Variants in KANK1 observed in about 807,000 individuals in gnomAD.
KANK1 encodes KN motif and ankyrin repeat domain-containing protein 1.
A neutral mutation model predicts 106.2 loss-of-function variants in KANK1; 109 were observed. The observed-to-expected ratio is 1.03, with a 90% CI of 0.88 to 1.20. KANK1 has a LOEUF of 1.20. Ranked by LOEUF, KANK1 falls within the 50% of genes most tolerant of loss-of-function variation. The pLI, the probability that KANK1 is intolerant of heterozygous loss-of-function variation, is 0.00. For missense variants in KANK1, 2,399 were observed against 1,710.7 expected (o/e 1.40, Z -7.10); for synonymous variants, 873 against 652.2 (o/e 1.34, Z -5.16).
rs141977994 is a variant in KANK1 at position 589,427 on chromosome 9, G to T, written c.-84+84673G>T. 1.0e-3 allele frequency among the ~76,000 whole-genome samples: 158 copies of T among 152,276 alleles called. 1 individual carries two copies. Among genetic ancestry groups the T allele is most frequent in the African/African-American group, 3.6e-3 (149 of 41,562 alleles). Reference sequence around the variant, plus strand: ...GTCTGGAGATTTGCTGGAAAAGAAGGAGCAAAAGAGGATGCCACTGGGAGG... The same window carrying T: ...GTCTGGAGATTTGCTGGAAAAGAAGTAGCAAAAGAGGATGCCACTGGGAGG... On this transcript the variant is annotated intron_variant, in intron 1 of 11. Transcript: ENST00000382297.
intron 3 of KANK1, among the ~76,000 whole-genome samples, chr9:720,077 T>G (rs1828899276): frequency 6.6e-6 from 1 of 152,250 alleles, no homozygotes; most frequent in Admixed American, 6.5e-5. Context: ...GTGTTCCTCT[T>G]ATTTTCCAGG....
intron 2 of KANK1, among the ~76,000 whole-genome samples, chr9:697,823 A>G (rs1039415994): frequency 6.6e-6 from 1 of 152,170 alleles, no homozygotes; most frequent in Non-Finnish European, 1.5e-5. Flanking sequence ...TATACCCTTG[A>G]CACTGGCATT....
At position 617,264 on chromosome 9, in the gene KANK1, C is replaced by T. The variant is rs1222037647; in HGVS notation, c.-83-59626C>T. On this transcript the variant is annotated intron_variant, in intron 1 of 11. Transcript: ENST00000382297. Reference sequence around the variant, plus strand: ...TTTAACAATCTGTATTCTACAACTTCACTCGTTGCCTTCCTTGTTTAACAT... The same window carrying T: ...TTTAACAATCTGTATTCTACAACTTTACTCGTTGCCTTCCTTGTTTAACAT... Among the ~76,000 whole-genome samples, 3 of 152,128 alleles carry T rather than the reference C, an allele frequency of 2.0e-5. No individual in the cohort carries two copies. The South Asian group carries it at 6.2e-4, about 32-fold the overall frequency.
intron 1 of KANK1, among the ~76,000 whole-genome samples, chr9:508,580 G>A (rs1473196474): frequency 2.0e-5 from 3 of 151,796 alleles, no homozygotes; most frequent in Admixed American, 6.6e-5. Flanking sequence ...TGCCCCTCCC[G>A]AAGAGTAACC....
intron 1 of KANK1, among the ~76,000 whole-genome samples, chr9:603,436 T>G (rs1828279196): frequency 1.3e-5 from 2 of 151,848 alleles, no homozygotes. Flanking sequence ...GAGCAGTTTG[T>G]GTGTCTTCCA....
intron 1 of KANK1, among the ~76,000 whole-genome samples, chr9:617,905 G>C (rs1832224007): frequency 6.6e-6 from 1 of 152,182 alleles, no homozygotes; most frequent in African/African-American, 2.4e-5. Flanking sequence ...CTGAAAGAGG[G>C]TGCGGGCAGA....
intron 7 of KANK1, among the ~76,000 whole-genome samples, chr9:737,142 ATAGAAT>A (rs1399323154): frequency 1.3e-5 from 2 of 152,206 alleles, no homozygotes; most frequent in African/African-American, 2.4e-5. Flanking sequence ...TTTAGCAGTA[ATAGAAT>A]TAGAATGACC....
chr9:518,503 A>G (rs1275564420), intron 1 of KANK1, among the ~76,000 whole-genome samples: 3 of 151,624 alleles, frequency 2.0e-5, no homozygotes, highest in Non-Finnish European at 2.9e-5. Flanking sequence ...AGGGGTTCGG[A>G]GCATGGGTTC....
intron 3 of KANK1, among the ~76,000 whole-genome samples, chr9:729,096 A>G (rs1341725828): frequency 6.6e-6 from 1 of 152,360 alleles, no homozygotes; most frequent in African/African-American, 2.4e-5. Context: ...CTTTTCATTG[A>G]CATATCTGTA....
At chr9:698,452 G>C (rs181461893) in intron 2 of KANK1, among the ~76,000 whole-genome samples, 1 of 152,066 alleles carries the variant, frequency 6.6e-6, no homozygotes, top group African/African-American at 2.4e-5. Flanking sequence ...TTTTCTCTGC[G>C]GTGAGTCATC....
upstream of KANK1, among the ~76,000 whole-genome samples, chr9:501,003 C>G (rs954268780): frequency 2.0e-5 from 3 of 152,130 alleles, no homozygotes; most frequent in Non-Finnish European, 4.4e-5. Flanking sequence ...CAAAGCTATA[C>G]TGAGAGTGGG....
chr9:647,093 G>A (rs1259219304), intron 1 of KANK1, among the ~76,000 whole-genome samples: 1 of 151,132 alleles, frequency 6.6e-6, no homozygotes, highest in African/African-American at 2.5e-5. Flanking sequence ...TTTGTTATCT[G>A]GCCTAAGCCA....
chr9:546,522 A>C (rs1250989129), intron 1 of KANK1, among the ~76,000 whole-genome samples: 3 of 152,040 alleles, frequency 2.0e-5, no homozygotes, highest in Non-Finnish European at 4.4e-5. Flanking sequence ...CAGGCTCCTT[A>C]CATACTTTGC....
At chr9:472,005 T>C (rs151073505) in intron 2 of KANK1, among the ~76,000 whole-genome samples, 5 of 152,234 alleles carry the variant, frequency 3.3e-5, no homozygotes, top group East Asian at 3.9e-4. Flanking sequence ...TAAAGAGATA[T>C]ACCCTTATGT....
At chr9:552,284 A>G (rs564282556) in intron 1 of KANK1, among the ~76,000 whole-genome samples, 1 of 152,288 alleles carries the variant, frequency 6.6e-6, no homozygotes, top group South Asian at 2.1e-4. Context: ...AACAGGAAGA[A>G]GACGAAAGTA....
intron 1 of KANK1, among the ~76,000 whole-genome samples, chr9:667,989 C>T (rs1006889778): frequency 5.4e-4 from 82 of 152,260 alleles, no homozygotes; most frequent in Non-Finnish European, 1.6e-4. Flanking sequence ...CCTCAGCCTC[C>T]CAAAGTACTG....
At chr9:479,526 G>A (rs2058166395) in intron 3 of KANK1, among the ~76,000 whole-genome samples, 1 of 138,948 alleles carries the variant, frequency 7.2e-6, no homozygotes, top group African/African-American at 3.1e-5. Flanking sequence ...AAGGGAGTTA[G>A]ATGTGACTCA....
At chr9:569,428 G>A (rs1818623607) in intron 1 of KANK1, among the ~76,000 whole-genome samples, 1 of 151,928 alleles carries the variant, frequency 6.6e-6, no homozygotes, top group African/African-American at 2.4e-5. Context: ...TAGGGCTGGT[G>A]GCTTTTAAGA....
intron 3 of KANK1, among the ~76,000 whole-genome samples, chr9:722,946 A>T (rs2885163): frequency 2.0e-5 from 3 of 152,162 alleles, no homozygotes; most frequent in African/African-American, 7.2e-5. Context: ...CTACAGGACA[A>T]TGATGGGGAA....
Sources: allele counts gnomAD v4.1 joint callset (sites outside exome capture counted in the v4.1 genomes callset), GRCh38; gene constraint gnomAD v4.1.1; transcripts MANE v1.5; gene names NCBI Gene and HGNC (gene_info 2026-07-23, HGNC 2026-07-21).